DEAF1: variants seen among roughly 807,000 people sequenced by gnomAD.
The protein encoded by DEAF1 is deformed epidermal autoregulatory factor 1 homolog.
In DEAF1, 53 loss-of-function variants were observed where a neutral mutation model predicts 58.9. The ratio of observed to expected loss-of-function variants is 0.90; its 90% confidence interval spans 0.72 to 1.13. DEAF1 has a LOEUF of 1.13. DEAF1 is among the 50% of genes most tolerant of loss of function. The probability of loss-of-function intolerance (pLI) is 0.00; values close to 1 mark genes in which losing one functional copy is unlikely to be tolerated. For synonymous variants in DEAF1, 385 were observed against 340.4 expected, an observed-to-expected ratio of 1.13 and a Z score of -1.44; for missense variants, 685 against 791.4, an observed-to-expected ratio of 0.87 and a Z score of 1.61.
At chr11:695,795 G>C (rs1472540030), upstream of DEAF1, 1 of 1,235,898 alleles carries the variant, frequency 8.1e-7, no homozygotes, top group Non-Finnish European at 1.0e-6. Context: ...AGGCTGCCGG[G>C]ATCGCGACGG....
chr11:655,744 A>T (rs1859018685), intron 10 of DEAF1, among the ~76,000 whole-genome samples: 1 of 152,180 alleles, frequency 6.6e-6, no homozygotes, highest in Non-Finnish European at 1.5e-5. Flanking sequence ...GAGCTCCGAC[A>T]TTCAGTCACT....
chr11:694,992 A>G lies in DEAF1; in HGVS notation c.56T>C (p.Val19Ala), dbSNP rs767318857. The part of the protein sequence containing the change: ...KQLGLAEAAA[V>A]AAAAAVAAAA... ...CGCCGCCACAGCGGCCGCGGCCGCC[A>G]CCGCCGCCGCCTCAGCCAGGCCCAG... Residue 19 changes from valine to alanine, a missense_variant, in exon 1 of 12, where the codon GTG becomes GCG. Coordinates refer to ENST00000382409, the MANE Select transcript of DEAF1 (RefSeq NM_021008.4). 1,946 of 1,061,004 alleles carry G rather than the reference A, an allele frequency of 1.8e-3. 3 individuals carry two copies. The highest frequency in any genetic ancestry group is 2.0e-3 in the Non-Finnish European group (1,764 of 872,308). The allele number at this position is 1,061,004 out of a possible 1,614,324, so 65.7% of individuals were successfully genotyped here. A position where few individuals can be genotyped will look rare whatever the true frequency, so the allele number is the denominator to read the frequency against.
chr11:699,888 G>A, upstream of DEAF1: 1 of 470,994 alleles, frequency 2.1e-6, no homozygotes, highest in Non-Finnish European at 3.8e-6. Context: ...CAGGAGGGCA[G>A]GGGCTGCAGT....
At chr11:661,239 G>A (rs1434708680) in intron 10 of DEAF1, among the ~76,000 whole-genome samples, 2 of 152,138 alleles carry the variant, frequency 1.3e-5, no homozygotes, top group Non-Finnish European at 2.9e-5. Context: ...GCAGCCACTC[G>A]GCTGGCTTCC....
At chr11:696,121 C>T (rs1474652813), upstream of DEAF1, among the ~76,000 whole-genome samples, 3 of 152,094 alleles carry the variant, frequency 2.0e-5, no homozygotes, top group African/African-American at 7.2e-5. Context: ...CCCGGCAGCT[C>T]TTGTCCCGCG....
chr11:703,070 G>C, intron 1 of DEAF1: 1 of 1,612,658 alleles, frequency 6.2e-7, no homozygotes, highest in Non-Finnish European at 8.5e-7. Context: ...GGCGGACTGG[G>C]CCCTCAGCGC....
rs776183719 is a variant in DEAF1, at chr11:644,774, A to G, written c.1594-120T>C. 3 of 784,390 alleles carry G rather than the reference A, an allele frequency of 3.8e-6. No homozygotes were observed. The highest frequency in any genetic ancestry group is 6.5e-6 in the Non-Finnish European group (3 of 461,978). 48.6% of individuals were successfully genotyped at this position (784,390 alleles called of 1,614,324 possible). Reference sequence around the variant, plus strand: ...TGTAACCTCACCTGGAGGTGCTGAGAATGCCCTCCCCAGCCCCCGTGCGCC... The same window carrying G: ...TGTAACCTCACCTGGAGGTGCTGAGGATGCCCTCCCCAGCCCCCGTGCGCC... On this transcript the variant is annotated intron_variant, in intron 11 of 11. Coordinates refer to ENST00000382409, the MANE Select transcript of DEAF1 (RefSeq NM_021008.4). The surrounding 1 kb of genome is among the most constrained non-coding windows in gnomAD (Gnocchi z 4.3).
At chr11:648,094 G>C (rs906316851) in intron 11 of DEAF1, among the ~76,000 whole-genome samples, 5 of 151,864 alleles carry the variant, frequency 3.3e-5, no homozygotes, top group Admixed American at 1.3e-4. Flanking sequence ...GCGGTGCTGG[G>C]AGCAGGGGAT....
chr11:660,098 G>A (rs1024598900), intron 10 of DEAF1, among the ~76,000 whole-genome samples: 2 of 152,176 alleles, frequency 1.3e-5, no homozygotes, highest in Non-Finnish European at 2.9e-5. Context: ...CCGTGAGGGC[G>A]CAGCAGCTCA....
At chr11:648,226 C>G (rs536665499) in intron 11 of DEAF1, among the ~76,000 whole-genome samples, 13 of 143,540 alleles carry the variant, frequency 9.1e-5, no homozygotes, top group South Asian at 2.2e-4. Context: ...ACGGAGTCTC[C>G]CTTTGTCTCC....
intron 11 of DEAF1, among the ~76,000 whole-genome samples, chr11:645,176 A>AG (rs1447060104): frequency 2.0e-5 from 3 of 151,868 alleles, no homozygotes; most frequent in African/African-American, 7.3e-5. Flanking sequence ...AAAAAAAAAA[A>AG]AAAGTCAAAC....
rs910109083 is a variant in DEAF1, at chr11:705,707, C to T, written c.-438+865G>A. 1.2e-4 allele frequency among the ~76,000 whole-genome samples: 18 copies of T among 152,250 alleles called. No homozygotes were observed. The South Asian group carries it at 2.5e-3, about 21-fold the overall frequency. On this transcript the variant is annotated intron_variant, in intron 1 of 11. Coordinates refer to the DEAF1 transcript ENST00000683307. ...GCGGTGGGCCCGGTAAGGGAAGTGACTCTGCCCCATGCCTGGGGCACCTGA... is the reference window on the plus strand; with the variant it reads ...GCGGTGGGCCCGGTAAGGGAAGTGATTCTGCCCCATGCCTGGGGCACCTGA...
rs7942118 is a variant in DEAF1 at position 704,552 on chromosome 11, G to T, written c.-438+2020C>A. 3,649 of 1,289,334 alleles carry T rather than the reference G, an allele frequency of 2.8e-3. 41 individuals carry two copies. In the African/African-American group the frequency reaches 0.032, roughly 11 times the overall value. The allele number at this position is 1,289,334 out of a possible 1,614,324, so 79.9% of individuals were successfully genotyped here. A position where few individuals can be genotyped will look rare whatever the true frequency, so the allele number is the denominator to read the frequency against. On this transcript the variant is annotated intron_variant, in intron 1 of 11. Transcript: ENST00000683307. ...CCTGCACTCGCAGAAGACCAGCTGGGCACACCTGCCATCTGGAGGACCCAG... is the reference window on the plus strand; with the variant it reads ...CCTGCACTCGCAGAAGACCAGCTGGTCACACCTGCCATCTGGAGGACCCAG...
intron 8 of DEAF1, among the ~76,000 whole-genome samples, chr11:679,455 A>G (rs554716090): frequency 6.6e-6 from 1 of 152,226 alleles, no homozygotes; most frequent in Non-Finnish European, 1.5e-5. Flanking sequence ...GAGTATTTTC[A>G]GCTTTGCCAG....
intron 10 of DEAF1, among the ~76,000 whole-genome samples, chr11:657,055 G>A (rs1030086902): frequency 6.6e-6 from 1 of 151,160 alleles, no homozygotes; most frequent in South Asian, 2.1e-4. Flanking sequence ...TGACACCCTC[G>A]TCCCTGCTCT....
intron 1 of DEAF1, 73 bp from the exon 2 acceptor site, chr11:691,671 G>A (rs1397768598): frequency 7.2e-7 from 1 of 1,382,492 alleles, no homozygotes; most frequent in Non-Finnish European, 1.0e-6. Context: ...TCGCTCAGGT[G>A]CTTCAAACAA....
At chr11:646,245 T>C (rs1243082553) in intron 11 of DEAF1, 1 of 107,158 alleles carries the variant, frequency 9.3e-6, no homozygotes, top group Admixed American at 1.3e-4. Flanking sequence ...AGAGTGAGAC[T>C]ACGTCTCAAA....
In DEAF1 at chr11:695,063, C is replaced by T. The variant is rs1157006680; in HGVS notation, c.-16G>A. ...AGTCCTCCATCCGGACTCCGCCGAG[C>T]CTTCCCGAAGGCGCCGTCCGGGACC... On this transcript the variant is annotated 5_prime_UTR_variant, in exon 1 of 12. Coordinates refer to ENST00000382409, the MANE Select transcript of DEAF1 (RefSeq NM_021008.4). The T allele has an allele frequency of 1.4e-6, 2 of 1,441,690 alleles. No homozygotes were observed. The highest frequency in any genetic ancestry group is 1.8e-6 in the Non-Finnish European group (2 of 1,098,748). 89.3% of individuals were successfully genotyped at this position (1,441,690 alleles called of 1,614,324 possible).
chr11:693,248 C>T (rs1860914583), intron 1 of DEAF1, among the ~76,000 whole-genome samples: 1 of 152,182 alleles, frequency 6.6e-6, no homozygotes, highest in South Asian at 2.1e-4. Flanking sequence ...ATGACAAAAA[C>T]CTGAAATCAA....
Sources: gnomAD v4.1 joint callset for allele counts (sites outside exome capture counted in the v4.1 genomes callset) on GRCh38, gnomAD v4.1.1 for gene constraint, Gnocchi (gnomAD v3.1) non-coding constraint, MANE v1.5 for transcripts, NCBI Gene and HGNC (gene_info 2026-07-23, HGNC 2026-07-21) for gene names.